Variants in SPDYE21 observed in about 807,000 individuals in gnomAD.
SPDYE21 encodes speedy protein E21.
A neutral mutation model predicts 36.2 loss-of-function variants in SPDYE21; 14 were observed. The observed-to-expected ratio is 0.39, with a 90% CI of 0.26 to 0.61. The LOEUF (loss-of-function observed/expected upper bound fraction) is 0.61, where lower values mean the gene tolerates loss of function less well. SPDYE21 is among the 20% of genes least tolerant of loss of function. The pLI is 0.55. For synonymous variants in SPDYE21, 58 were observed against 155.1 expected (o/e 0.37, Z 4.65); for missense variants, 233 against 424.6 (o/e 0.55, Z 3.97).
In SPDYE21 at chr7:67,279,893, A is replaced by C. The variant is rs1743645902; in HGVS notation, c.236A>C (p.Glu79Ala). The C allele has an allele frequency of 2.6e-6, 4 of 1,565,272 alleles. No homozygotes were observed. Among genetic ancestry groups the C allele is most frequent in the Admixed American group, 1.7e-5 (1 of 57,740 alleles). Reference sequence around the variant, plus strand: ...AAGAAGGAGTGGTCAGATGAATCTGAGGAGGAGCCGGAGAAGGAGCTCGCC... The same window carrying C: ...AAGAAGGAGTGGTCAGATGAATCTGCGGAGGAGCCGGAGAAGGAGCTCGCC... ...KRKKEWSDESEEEPEKELAPE... is the reference protein window; with the variant it reads ...KRKKEWSDESAEEPEKELAPE... The change falls in exon 3 of 9, where the codon GAG becomes GCG. Residue 79 changes from glutamate (E) to alanine (A), a missense_variant. Transcript: ENST00000424157.
rs1346696031 is a variant in SPDYE21, at chr7:67,288,574, T to C, written c.*1102T>C. 6.0e-5 allele frequency among the ~76,000 whole-genome samples: 9 copies of C among 149,690 alleles called. No homozygotes were observed. In the South Asian group the frequency reaches 8.4e-4, roughly 14 times the overall value. On this transcript the variant is annotated 3_prime_UTR_variant, in exon 9 of 9. Coordinates refer to ENST00000424157, the MANE Select transcript of SPDYE21 (RefSeq NM_001382715.2). Reference sequence around the variant, plus strand: ...TATTTTTGAATAGATGCTGTTTCTATAAAGCTGTGTGATGGGTATTATAAC... The same window carrying C: ...TATTTTTGAATAGATGCTGTTTCTACAAAGCTGTGTGATGGGTATTATAAC...
chr7:67,279,199 A>G lies in SPDYE21; in HGVS notation c.160+326A>G, dbSNP rs1802591227. ...CTGCACTCCCAAAAAAAAAAAAAAG[A>G]AAAAAGAAAAGAAGGGTCAGCGGTC... On this transcript the variant is annotated intron_variant, in intron 2 of 8. Coordinates refer to ENST00000424157, the MANE Select transcript of SPDYE21 (RefSeq NM_001382715.2). Among the ~76,000 whole-genome samples, 4 of 148,836 alleles carry G rather than the reference A, an allele frequency of 2.7e-5. No homozygotes were observed. The South Asian group carries it at 8.5e-4, about 32-fold the overall frequency.
chr7:67,284,878 T>C (rs1802703661), intron 6 of SPDYE21, among the ~76,000 whole-genome samples: 1 of 151,208 alleles, frequency 6.6e-6, no homozygotes, highest in African/African-American at 2.4e-5. Flanking sequence ...GTGTCAATTC[T>C]ACCCTCTCTA....
At position 67,286,118 on chromosome 7, in the gene SPDYE21, C is replaced by T; in HGVS notation, c.830C>T (p.Thr277Ile). The T allele has an allele frequency of 6.2e-7, 1 of 1,613,572 alleles. No individual in the cohort carries two copies. Among genetic ancestry groups the T allele is most frequent in the South Asian group, 1.1e-5 (1 of 91,034 alleles). Residue 277 changes from threonine (T) to isoleucine (I), a missense_variant, in exon 7 of 9, where the codon ACC becomes ATC. By Grantham distance (89) the Thr-to-Ile change is moderately conservative (BLOSUM62 -1). Transcript: ENST00000424157. Reference protein sequence around the residue: ...QNIFHFLYGKTRSRIPLLRKR... With the variant: ...QNIFHFLYGKIRSRIPLLRKR... Reference sequence around the variant, plus strand: ...ATCTTCCACTTCCTGTATGGGAAGACCCGCTCTCGCATACCCTTGCTCCGT... The same window carrying T: ...ATCTTCCACTTCCTGTATGGGAAGATCCGCTCTCGCATACCCTTGCTCCGT...
intron 6 of SPDYE21, among the ~76,000 whole-genome samples, chr7:67,285,043 G>T (rs1220456768): frequency 6.6e-6 from 1 of 151,876 alleles, no homozygotes; most frequent in African/African-American, 2.4e-5. Context: ...ATTCCTTGAA[G>T]TCAGTTCACC....
At chr7:67,279,756 G>A (rs1227475161) in intron 2 of SPDYE21, 62 bp from the exon 3 acceptor site, 1 of 1,592,808 alleles carries the variant, frequency 6.3e-7, no homozygotes, top group East Asian at 2.3e-5. Context: ...TGGGGTTTTG[G>A]GTCGGGGTCT....
chr7:67,279,119 A>C (rs1405095275), intron 2 of SPDYE21, among the ~76,000 whole-genome samples: 4 of 151,260 alleles, frequency 2.6e-5, no homozygotes, highest in Admixed American at 2.6e-4. Flanking sequence ...AGGCTGAGAC[A>C]GGAGAATCAC....
At chr7:67,282,986 A>G (rs1444422332) in intron 5 of SPDYE21, among the ~76,000 whole-genome samples, 1 of 127,364 alleles carries the variant, frequency 7.9e-6, no homozygotes, top group Non-Finnish European at 1.6e-5. Flanking sequence ...TTGTGTTTTT[A>G]GTAGAAATGG....
intron 8 of SPDYE21, among the ~76,000 whole-genome samples, chr7:67,287,286 G>C (rs1449079559): frequency 4.6e-5 from 7 of 152,224 alleles, no homozygotes; most frequent in Non-Finnish European, 1.0e-4. Flanking sequence ...CTATGAAGCA[G>C]ATCACTGGGG....
intron 7 of SPDYE21, among the ~76,000 whole-genome samples, 52 bp downstream of exon 7, chr7:67,286,489 G>A (rs550044372): frequency 5.9e-5 from 9 of 152,118 alleles, no homozygotes; most frequent in African/African-American, 1.9e-4. Context: ...GGGTGGGCTG[G>A]AGGCTGGATG....
rs367632882 is a variant in SPDYE21 at position 67,287,746 on chromosome 7, T to C, written c.*274T>C. Among the ~76,000 whole-genome samples the C allele has an allele frequency of 2.0e-5, 3 of 149,968 alleles. No homozygotes were observed. The highest frequency in any genetic ancestry group is 4.4e-5 in the Non-Finnish European group (3 of 67,538). On this transcript the variant is annotated 3_prime_UTR_variant, in exon 9 of 9. Coordinates refer to ENST00000424157, the MANE Select transcript of SPDYE21 (RefSeq NM_001382715.2). The stretch of plus-strand genomic sequence containing the variant: ...TTGGAGAAAAGTAAGAAACCAGGAG[T>C]GTTTCCAGTTCCACCCTTTCCTGCG...
chr7:67,287,405 T>G (rs1484037310), intron 8 of SPDYE21, among the ~76,000 whole-genome samples, 113 bp from the exon 9 acceptor site: 1 of 152,178 alleles, frequency 6.6e-6, no homozygotes, highest in African/African-American at 2.4e-5. Context: ...AGGCAGCAGA[T>G]AAAATTGTAT....
intron 3 of SPDYE21, among the ~76,000 whole-genome samples, chr7:67,280,807 G>A (rs1181017001): frequency 6.9e-6 from 1 of 145,538 alleles, no homozygotes; most frequent in Non-Finnish European, 1.5e-5. Flanking sequence ...CTGAGGCAGG[G>A]TGCAGTGGCT....
intron 6 of SPDYE21, among the ~76,000 whole-genome samples, chr7:67,285,478 C>T (rs1224173874): frequency 2.6e-5 from 4 of 151,416 alleles, no homozygotes; most frequent in Non-Finnish European, 5.9e-5. Context: ...GCAGCCTCTG[C>T]CTCCTGGGTT....
intron 8 of SPDYE21, among the ~76,000 whole-genome samples, chr7:67,286,893 C>A (rs533396063): frequency 6.8e-4 from 104 of 152,284 alleles, no homozygotes; most frequent in African/African-American, 2.4e-3. Context: ...TGCACGGAGC[C>A]CTGATCCTGC....
chr7:67,283,243 C>T (rs1433043310), intron 5 of SPDYE21, among the ~76,000 whole-genome samples: 1 of 147,478 alleles, frequency 6.8e-6, no homozygotes, highest in Non-Finnish European at 1.5e-5. Flanking sequence ...AAGCAATCTT[C>T]TTTCCTCAGC....
At chr7:67,280,200 T>C (rs537212655) in intron 3 of SPDYE21, among the ~76,000 whole-genome samples, 164 bp downstream of exon 3, 6,242 of 152,076 alleles carry the variant, frequency 0.041, 286 homozygotes, top group African/African-American at 0.14. Flanking sequence ...TAGGAGACGA[T>C]AGAGGACTAG....
Position 67,287,991 on chromosome 7 carries a change from T to G in SPDYE21, c.*519T>G, listed in dbSNP as rs1802770386. On this transcript the variant is annotated 3_prime_UTR_variant, in exon 9 of 9. Coordinates refer to ENST00000424157, the MANE Select transcript of SPDYE21 (RefSeq NM_001382715.2). The stretch of plus-strand genomic sequence containing the variant: ...ATTTTATTGGTTTGTTTGGAAAATG[T>G]TGGCCATTGAATTATTCATAGATTT... Among the ~76,000 whole-genome samples, 1 of 151,446 alleles carries G rather than the reference T, an allele frequency of 6.6e-6. No individual in the cohort carries two copies. The highest frequency in any genetic ancestry group is 1.5e-5 in the Non-Finnish European group (1 of 67,844).
At chr7:67,279,467 TA>T (rs1426508695) in intron 2 of SPDYE21, among the ~76,000 whole-genome samples, 1 of 150,480 alleles carries the variant, frequency 6.6e-6, no homozygotes. Flanking sequence ...GGCAGAAGAA[TA>T]AATGGAATCC....
Sources: gnomAD v4.1 joint callset for allele counts (sites outside exome capture counted in the v4.1 genomes callset) on GRCh38, gnomAD v4.1.1 for gene constraint, MANE v1.5 for transcripts, NCBI Gene and HGNC (gene_info 2026-07-23, HGNC 2026-07-21) for gene names.